Variants in MTMR1 observed in about 807,000 individuals in gnomAD.
MTMR1 encodes the protein myotubularin related protein 1.
In MTMR1, 17 loss-of-function variants were observed where a neutral mutation model predicts 51.6. The observed-to-expected ratio is 0.33, with a 90% CI of 0.23 to 0.49. MTMR1 has a LOEUF of 0.49. Ranked by LOEUF, MTMR1 falls within the 20% of genes least tolerant of loss-of-function variation. The pLI is 0.99. For missense variants in MTMR1, 386 were observed against 526.9 expected, an observed-to-expected ratio of 0.73 and a Z score of 2.62; for synonymous variants, 201 against 205.6, an observed-to-expected ratio of 0.98 and a Z score of 0.19.
At chrX:150,711,606 A>G (rs1424732272) in intron 2 of MTMR1, among the ~76,000 whole-genome samples, 2 of 112,046 alleles carry the variant, frequency 1.8e-5, no homozygotes, top group African/African-American at 6.5e-5. Context: ...CTCAGGCACA[A>G]CAAGAATATT....
At chrX:150,693,846 G>C (rs1326726624) in intron 1 of MTMR1, among the ~76,000 whole-genome samples, 170 bp downstream of exon 1, 1 of 103,516 alleles carries the variant, frequency 9.7e-6, no homozygotes, top group Admixed American at 1.0e-4. Flanking sequence ...GGAAACCTCA[G>C]CGCCCCATCC....
In MTMR1 at chrX:150,727,274, A is replaced by G; in HGVS notation, c.412A>G (p.Thr138Ala). 8.3e-7 allele frequency: 1 copy of G among 1,209,780 alleles called. No individual in the cohort carries two copies. Among genetic ancestry groups the G allele is most frequent in the Non-Finnish European group, 1.1e-6 (1 of 893,858 alleles). The change falls in exon 5 of 16, where the codon ACG becomes GCG. Residue 138 changes from threonine to alanine, a missense_variant. Transcript: ENST00000445323. ...AGCAGTGAGTGGAACCCTGACAGTG[A>G]CGGACTTTAAGCTGTACTTCAAAAA... ...MGAVSGTLTV[T>A]DFKLYFKNVE...
intron 2 of MTMR1, among the ~76,000 whole-genome samples, chrX:150,711,402 T>C (rs1478974227): frequency 8.9e-6 from 1 of 112,508 alleles, no homozygotes; most frequent in Non-Finnish European, 1.9e-5. Context: ...CTCCAGTGAT[T>C]CTTTTCTGAT....
intron 1 of MTMR1, 84 bp downstream of exon 1, chrX:150,693,760 C>CA: frequency 1.5e-6 from 1 of 652,335 alleles, no homozygotes; most frequent in Non-Finnish European, 1.8e-6. Context: ...CCTCCCCGCG[C>CA]GCTGCGCAGG....
At position 150,716,432 on chromosome X, in the gene MTMR1, G is replaced by T. The variant is rs782012316; in HGVS notation, c.277-2193G>T. Among the ~76,000 whole-genome samples the T allele has an allele frequency of 3.6e-5, 4 of 112,615 alleles. 1 individual carries two copies. In the South Asian group the frequency reaches 1.4e-3, roughly 41 times the overall value. On this transcript the variant is annotated intron_variant, in intron 3 of 15. Transcript: ENST00000445323. ...TTGCATAAAATATATTTCCAAAACA[G>T]ATGTGAGTATAAAAATGAATCCATT...
At chrX:150,697,615 T>C (rs782600258) in intron 1 of MTMR1, among the ~76,000 whole-genome samples, 16 of 111,693 alleles carry the variant, frequency 1.4e-4, no homozygotes, top group African/African-American at 5.2e-4. Context: ...AGTTGGCTTA[T>C]GTGGTCTTTC....
At chrX:150,729,033 G>A (rs782405596) in intron 6 of MTMR1, among the ~76,000 whole-genome samples, 50 of 110,160 alleles carry the variant, frequency 4.5e-4, no homozygotes, top group African/African-American at 1.5e-3. Context: ...GAAACATGTC[G>A]TCCCCTTTCT....
intron 15 of MTMR1, among the ~76,000 whole-genome samples, chrX:150,762,185 G>A (rs1405461377): frequency 5.3e-5 from 6 of 113,030 alleles, no homozygotes; most frequent in African/African-American, 1.9e-4. Flanking sequence ...AGGGGTCTGC[G>A]TGGAAACATT....
chrX:150,716,507 G>A (rs1364708785), intron 3 of MTMR1, among the ~76,000 whole-genome samples: 1 of 112,537 alleles, frequency 8.9e-6, no homozygotes. Context: ...AAAAATTTTG[G>A]CAGAAAATGT....
chrX:150,750,971 C>T (rs1292327541), intron 14 of MTMR1, 128 bp downstream of exon 14: 1 of 1,090,778 alleles, frequency 9.2e-7, no homozygotes, highest in Non-Finnish European at 1.2e-6. Context: ...TGTAAATGCC[C>T]TCCCAGGGTT....
chrX:150,693,550 C>A lies in MTMR1; in HGVS notation c.20C>A (p.Ala7Glu), dbSNP rs1448298722. 28 of 757,934 alleles carry A rather than the reference C, an allele frequency of 3.7e-5. No individual in the cohort carries two copies. Among genetic ancestry groups the A allele is most frequent in the Non-Finnish European group, 4.2e-5 (27 of 643,146 alleles). The allele number at this position is 757,934 out of a possible 1,213,427, so 62.5% of individuals were successfully genotyped here. A position where few individuals can be genotyped will look rare whatever the true frequency, so the allele number is the denominator to read the frequency against. Residue 7 changes from alanine to glutamate, a missense_variant, in exon 1 of 16, where the codon GCG becomes GAG. By Grantham distance (107) the Ala-to-Glu change is moderately radical (BLOSUM62 -1). Transcript: ENST00000445323. MDRPAA[A>E]AAAGCEGGGG... ...CGCGCCATGGACAGGCCGGCGGCGG[C>A]GGCGGCGGCGGGCTGCGAGGGCGGC...
At chrX:150,743,010 A>G (rs2042477693) in intron 12 of MTMR1, among the ~76,000 whole-genome samples, 1 of 110,740 alleles carries the variant, frequency 9.0e-6, no homozygotes, top group Non-Finnish European at 1.9e-5. Flanking sequence ...ATTAATGGGT[A>G]TAGAGTTTCT....
chrX:150,694,032 T>C (rs1263707809), intron 1 of MTMR1, among the ~76,000 whole-genome samples: 1 of 111,569 alleles, frequency 9.0e-6, no homozygotes, highest in Admixed American at 9.4e-5. Context: ...CCAATCCTCT[T>C]GGGAGGGAGA....
At chrX:150,749,210 G>A (rs2042660425) in intron 13 of MTMR1, among the ~76,000 whole-genome samples, 1 of 112,262 alleles carries the variant, frequency 8.9e-6, no homozygotes, top group Admixed American at 9.4e-5. Flanking sequence ...ACAGTTTCAG[G>A]TGGAGTTTGG....
At chrX:150,693,826 C>G (rs2040569554) in intron 1 of MTMR1, 150 bp downstream of exon 1, 2 of 326,129 alleles carry the variant, frequency 6.1e-6, no homozygotes, top group Non-Finnish European at 8.1e-6. Flanking sequence ...CCCTCCTCCC[C>G]CCCACCCCCG....
chrX:150,759,633 G>A (rs1032836508), intron 15 of MTMR1, among the ~76,000 whole-genome samples: 6 of 109,778 alleles, frequency 5.5e-5, no homozygotes, highest in East Asian at 2.8e-4. Flanking sequence ...TGCCCGCCGC[G>A]TGAGGCAGGT....
chrX:150,727,377 A>G, intron 5 of MTMR1, 68 bp downstream of exon 5: 2 of 933,276 alleles, frequency 2.1e-6, no homozygotes, highest in South Asian at 2.3e-5. Flanking sequence ...AGAAGAAAGT[A>G]AAAAGTCCCC....
intron 12 of MTMR1, among the ~76,000 whole-genome samples, chrX:150,742,050 C>T (rs188128211): frequency 8.9e-5 from 10 of 112,351 alleles, no homozygotes; most frequent in African/African-American, 3.2e-4. Flanking sequence ...TGGAAGCAAC[C>T]CCAGTGTCCA....
intron 2 of MTMR1, among the ~76,000 whole-genome samples, chrX:150,710,272 C>T (rs1557416182): frequency 1.8e-5 from 2 of 112,297 alleles, no homozygotes; most frequent in East Asian, 2.8e-4. Flanking sequence ...CCACCTTGAA[C>T]TCAGCCAGAT....
Sources: gnomAD v4.1 joint callset for allele counts (sites outside exome capture counted in the v4.1 genomes callset) on GRCh38, gnomAD v4.1.1 for gene constraint, MANE v1.5 for transcripts, NCBI Gene and HGNC (gene_info 2026-07-23, HGNC 2026-07-21) for gene names.